PCDH9: variants seen among roughly 807,000 people sequenced by gnomAD.
PCDH9 encodes protocadherin-9.
Under a neutral mutation model 70.6 loss-of-function variants are expected in PCDH9, and 24 were observed. The observed-to-expected ratio is 0.34, with a 90% confidence interval of 0.25 to 0.48. The LOEUF (loss-of-function observed/expected upper bound fraction) is 0.48. PCDH9 is among the 20% of genes least tolerant of loss of function. The pLI, the probability that PCDH9 is intolerant of heterozygous loss-of-function variation, is 0.99. For missense variants in PCDH9, 1,281 were observed against 1,503.6 expected, an observed-to-expected ratio of 0.85 and a Z score of 2.45; for synonymous variants, 562 against 558.5, an observed-to-expected ratio of 1.01 and a Z score of -0.09.
intron 4 of PCDH9, among the ~76,000 whole-genome samples, chr13:66,595,931 T>G (rs1199980304): frequency 1.3e-5 from 2 of 151,650 alleles, no homozygotes; most frequent in African/African-American, 2.4e-5. Flanking sequence ...TAGCATAATC[T>G]TCTAGCAGAA....
At chr13:67,209,781 CATTAATGTGGTATTTCATCTA>C (rs1435433746) in intron 2 of PCDH9, 3 of 151,864 alleles carry the variant, frequency 2.0e-5, no homozygotes, top group Non-Finnish European at 2.9e-5. Flanking sequence ...TTTTTTTTAA[CATTAATGTGGTATTTCATCTA>C]ATTAATGTGG....
At chr13:66,610,422 A>T (rs954942999) in intron 4 of PCDH9, among the ~76,000 whole-genome samples, 1 of 152,124 alleles carries the variant, frequency 6.6e-6, no homozygotes, top group Non-Finnish European at 1.5e-5. Flanking sequence ...TTCATACTTT[A>T]TACCCTTTTG....
At chr13:66,476,860 C>T (rs1958740665) in intron 4 of PCDH9, among the ~76,000 whole-genome samples, 3 of 152,008 alleles carry the variant, frequency 2.0e-5, no homozygotes, top group Admixed American at 2.0e-4. Flanking sequence ...ACCCTCAGCT[C>T]ATCAAATGAA....
chr13:66,503,055 G>C (rs534429849), intron 4 of PCDH9, among the ~76,000 whole-genome samples: 1 of 151,994 alleles, frequency 6.6e-6, no homozygotes, highest in Admixed American at 6.6e-5. Context: ...TCCAGGATGG[G>C]GGGAGGAAGG....
At chr13:66,444,714 C>T (rs1467599217) in intron 4 of PCDH9, among the ~76,000 whole-genome samples, 1 of 151,960 alleles carries the variant, frequency 6.6e-6, no homozygotes, top group Non-Finnish European at 1.5e-5. Flanking sequence ...GCATGTGCCA[C>T]CAGGCCTGGC....
chr13:66,688,319 G>T (rs2078434528), intron 3 of PCDH9, among the ~76,000 whole-genome samples: 2 of 152,050 alleles, frequency 1.3e-5, no homozygotes, highest in Admixed American at 1.3e-4. Context: ...AAACTATTTA[G>T]AACTTGTGTC....
At chr13:67,156,855 G>A (rs1248279823) in intron 2 of PCDH9, among the ~76,000 whole-genome samples, 1 of 152,136 alleles carries the variant, frequency 6.6e-6, no homozygotes, top group Admixed American at 6.5e-5. Flanking sequence ...CCGTCTGTAT[G>A]CTCCTCTAGA....
chr13:67,227,164 AAAG>A lies in PCDH9; in HGVS notation c.1274_1276del (p.Ser425del). The A allele has an allele frequency of 6.2e-7, 1 of 1,613,718 alleles. No individual in the cohort carries two copies. Among genetic ancestry groups the A allele is most frequent in the Non-Finnish European group, 8.5e-7 (1 of 1,179,588 alleles). ...TTCTTTGGTGCCCTCATAGTCCAACAAAGAAGAGGTCTCTAACAAATATTGGTT... is the reference window on the plus strand; with the variant it reads ...TTCTTTGGTGCCCTCATAGTCCAACAAAGAGGTCTCTAACAAATATTGGTT... On this transcript the variant is annotated inframe_deletion, in exon 2 of 5. Transcript: ENST00000377865. The surrounding 1 kb of genome is among the most constrained non-coding windows in gnomAD (Gnocchi z 4.6).
intron 2 of PCDH9, among the ~76,000 whole-genome samples, chr13:67,077,991 C>A (rs2085910993): frequency 6.6e-6 from 1 of 152,132 alleles, no homozygotes; most frequent in Non-Finnish European, 1.5e-5. Flanking sequence ...CATGCCATTT[C>A]AGGCCTCTCA....
At chr13:67,185,920 C>T (rs1300478233) in intron 2 of PCDH9, among the ~76,000 whole-genome samples, 1 of 151,946 alleles carries the variant, frequency 6.6e-6, no homozygotes, top group African/African-American at 2.4e-5. Flanking sequence ...TTAGTAGAGA[C>T]AGGGTTTCTC....
At chr13:66,426,221 A>G (rs1395956382) in intron 4 of PCDH9, among the ~76,000 whole-genome samples, 1 of 148,490 alleles carries the variant, frequency 6.7e-6, no homozygotes, top group African/African-American at 2.5e-5. Flanking sequence ...CATATGAATG[A>G]AAAAAAAAAG....
intron 2 of PCDH9, among the ~76,000 whole-genome samples, chr13:67,011,316 T>C (rs1036361252): frequency 6.6e-6 from 1 of 151,876 alleles, no homozygotes; most frequent in African/African-American, 2.4e-5. Flanking sequence ...AAAAACATTA[T>C]TCAAATAGTG....
At chr13:66,578,695 G>A (rs1797050795) in intron 4 of PCDH9, among the ~76,000 whole-genome samples, 1 of 152,034 alleles carries the variant, frequency 6.6e-6, no homozygotes, top group Non-Finnish European at 1.5e-5. Flanking sequence ...AAAAAGTCAG[G>A]CTTTGAATGG....
At chr13:66,731,145 T>C (rs1424885450) in intron 3 of PCDH9, among the ~76,000 whole-genome samples, 3 of 152,060 alleles carry the variant, frequency 2.0e-5, no homozygotes, top group African/African-American at 7.2e-5. Context: ...TGATGGGTTA[T>C]TTCTCAAGTC....
At chr13:66,693,049 G>A (rs1452309080) in intron 3 of PCDH9, among the ~76,000 whole-genome samples, 1 of 152,084 alleles carries the variant, frequency 6.6e-6, no homozygotes, top group East Asian at 1.9e-4. Flanking sequence ...TTTAAAGTTT[G>A]GAGAAGATTC....
chr13:66,396,702 A>T (rs1049900704), intron 4 of PCDH9, among the ~76,000 whole-genome samples: 2 of 152,218 alleles, frequency 1.3e-5, no homozygotes, highest in East Asian at 3.9e-4. Context: ...CCACATACCA[A>T]GTTTACAGAT....
At chr13:66,824,657 T>G (rs1262484844) in intron 3 of PCDH9, among the ~76,000 whole-genome samples, 1 of 24,626 alleles carries the variant, frequency 4.1e-5, no homozygotes, top group South Asian at 1.0e-3. Context: ...CTCTGATATA[T>G]ATATATATAT....
At chr13:66,847,301 C>CAAGTTTTATAAA (rs2081228506) in intron 3 of PCDH9, among the ~76,000 whole-genome samples, 1 of 152,134 alleles carries the variant, frequency 6.6e-6, no homozygotes, top group Non-Finnish European at 1.5e-5. Flanking sequence ...TGCTATTTCA[C>CAAGTTTTATAAA]ACCAACAAGT....
intron 3 of PCDH9, among the ~76,000 whole-genome samples, chr13:66,845,135 G>A (rs2139437922): frequency 1.3e-5 from 2 of 152,258 alleles, no homozygotes; most frequent in Middle Eastern, 6.8e-3. Context: ...CTTGAAGGTG[G>A]GGCTTCACGA....
Sources: gnomAD v4.1 joint callset for allele counts (sites outside exome capture counted in the v4.1 genomes callset) on GRCh38, gnomAD v4.1.1 for gene constraint, Gnocchi (gnomAD v3.1) non-coding constraint, MANE v1.5 for transcripts, NCBI Gene and HGNC (gene_info 2026-07-23, HGNC 2026-07-21) for gene names.